The following CNTN1 variants were observed in gnomAD, a reference collection of about 807,000 sequenced individuals.
CNTN1 encodes contactin 1, also known as contactin-1.
In CNTN1, 38 loss-of-function variants were observed where a neutral mutation model predicts 126.4. That is an observed-to-expected ratio of 0.30 (90% CI 0.23 to 0.39). The LOEUF is 0.39. Ranked by LOEUF, CNTN1 falls within the 10% of genes least tolerant of loss-of-function variation. The pLI is 1.00. For synonymous variants in CNTN1, 413 were observed against 422.6 expected (o/e 0.98, Z 0.28); for missense variants, 1,009 against 1,248.4 (o/e 0.81, Z 2.89).
At chr12:40,707,271 CG>C (rs1941791282) in intron 1 of CNTN1, among the ~76,000 whole-genome samples, 1 of 109,100 alleles carries the variant, frequency 9.2e-6, no homozygotes, top group Non-Finnish European at 1.8e-5. Context: ...TTTTTTGAGA[CG>C]GAGTCTCGCT....
chr12:40,876,035 A>AT lies in CNTN1; in HGVS notation c.-76-32318dup, dbSNP rs1236795155. On this transcript the variant is annotated intron_variant, in intron 1 of 23. Coordinates refer to ENST00000551295, the MANE Select transcript of CNTN1 (RefSeq NM_001843.4). Reference sequence around the variant, plus strand: ...ACATTATTTTTTATCTCCAATAATGATTTTACCACCAATATTTTTAATTTT... The same window carrying AT: ...ACATTATTTTTTATCTCCAATAATGATTTTTACCACCAATATTTTTAATTTT... Among the ~76,000 whole-genome samples the AT allele has an allele frequency of 1.3e-5, 2 of 151,808 alleles. 1 individual carries two copies. The highest frequency in any genetic ancestry group is 2.9e-5 in the Non-Finnish European group (2 of 67,904).
chr12:40,832,957 C>T lies in CNTN1; in HGVS notation c.-76-75400C>T, dbSNP rs1250866569. 2.0e-5 allele frequency among the ~76,000 whole-genome samples: 3 copies of T among 152,176 alleles called. No individual in the cohort carries two copies. The South Asian group carries it at 6.2e-4, about 31-fold the overall frequency. ...TCGTTCTGGTGAAAACCACACAGTT[C>T]CCCCTCTCTCCCTCTGCCTCCTGAC... On this transcript the variant is annotated intron_variant, in intron 1 of 23. Coordinates refer to ENST00000551295, the MANE Select transcript of CNTN1 (RefSeq NM_001843.4).
intron 17 of CNTN1, among the ~76,000 whole-genome samples, chr12:41,012,070 C>T (rs778844779): frequency 2.0e-5 from 3 of 152,176 alleles, no homozygotes; most frequent in Middle Eastern, 3.4e-3. Context: ...AATTGGGAAG[C>T]TAGAGTGCTT....
chr12:40,959,227 A>G lies in CNTN1; in HGVS notation c.1797A>G (p.Val599=). 6.2e-7 allele frequency: 1 copy of G among 1,612,514 alleles called. No individual in the cohort carries two copies. Among genetic ancestry groups the G allele is most frequent in the Non-Finnish European group, 8.5e-7 (1 of 1,178,948 alleles). ...VDNSSASADL[V]VRGPPGPPGG... ...ATTCTTCAGCTTCAGCTGACCTTGT[A>G]GTGAGAGGTAAGAGTTTCAACATTT... is the stretch of plus-strand genomic sequence containing the variant. The change falls in exon 15 of 24, where the codon GTA becomes GTG. Residue 599 remains valine, a synonymous_variant. Coordinates refer to ENST00000551295, the MANE Select transcript of CNTN1 (RefSeq NM_001843.4).
intron 1 of CNTN1, among the ~76,000 whole-genome samples, chr12:40,715,731 T>G (rs1942032307): frequency 6.6e-6 from 1 of 152,102 alleles, no homozygotes; most frequent in Non-Finnish European, 1.5e-5. Flanking sequence ...GTTGATGTAA[T>G]TTGCCATCAC....
intron 16 of CNTN1, among the ~76,000 whole-genome samples, chr12:40,987,922 G>A (rs1156283965): frequency 1.3e-5 from 2 of 148,390 alleles, no homozygotes; most frequent in Admixed American, 1.3e-4. Context: ...TAGGTTTATT[G>A]TAGGACAGTA....
intron 1 of CNTN1, among the ~76,000 whole-genome samples, chr12:40,822,148 C>CTTTTTTTTTT (rs777953120): frequency 1.9e-4 from 9 of 47,262 alleles, no homozygotes; most frequent in African/African-American, 3.3e-4. Context: ...AAATATAAAT[C>CTTTTTTTTTT]TTTTTTTTTT....
chr12:40,822,431 A>AC (rs1268585635), intron 1 of CNTN1, among the ~76,000 whole-genome samples: 6 of 151,990 alleles, frequency 3.9e-5, no homozygotes, highest in Non-Finnish European at 7.4e-5. Context: ...CTGGGAAAAA[A>AC]TATTATTATA....
intron 1 of CNTN1, among the ~76,000 whole-genome samples, chr12:40,869,226 TG>T (rs1423137955): frequency 1.3e-5 from 2 of 150,644 alleles, no homozygotes; most frequent in Non-Finnish European, 3.0e-5. Context: ...CATTAAATAT[TG>T]AAAAAAAATA....
chr12:40,867,015 A>C (rs5006894), intron 1 of CNTN1, among the ~76,000 whole-genome samples: 25,950 of 152,086 alleles, frequency 0.17, 3,531 homozygotes, highest in African/African-American at 0.38. Context: ...CATGTGGTCC[A>C]CACCTAACTG....
At chr12:40,707,073 CACACACACACACA>C (rs1941773453) in intron 1 of CNTN1, among the ~76,000 whole-genome samples, 2 of 150,784 alleles carry the variant, frequency 1.3e-5, no homozygotes, top group African/African-American at 5.0e-5. Context: ...CACACACACA[CACACACACACACA>C]CACCCCTGCT....
chr12:40,703,678 T>C (rs1265772387), intron 1 of CNTN1, among the ~76,000 whole-genome samples: 1 of 152,170 alleles, frequency 6.6e-6, no homozygotes, highest in Non-Finnish European at 1.5e-5. Context: ...TTTCTAGACA[T>C]GTAAAGGGGC....
At chr12:40,768,318 G>A (rs1345076819) in intron 1 of CNTN1, among the ~76,000 whole-genome samples, 3 of 152,156 alleles carry the variant, frequency 2.0e-5, no homozygotes, top group African/African-American at 7.2e-5. Context: ...TTCCTCCACC[G>A]CGAGCCCGCA....
At chr12:40,722,036 G>A (rs912635297) in intron 1 of CNTN1, among the ~76,000 whole-genome samples, 4 of 152,026 alleles carry the variant, frequency 2.6e-5, no homozygotes, top group Admixed American at 1.3e-4. Flanking sequence ...CTTTATAGCA[G>A]CATGATTTAT....
At chr12:40,784,888 G>A (rs866091075) in intron 1 of CNTN1, among the ~76,000 whole-genome samples, 3 of 152,136 alleles carry the variant, frequency 2.0e-5, no homozygotes, top group Non-Finnish European at 2.9e-5. Context: ...ATTCACCTGC[G>A]TGGTCCAACA....
chr12:40,982,284 A>T (rs1947840428), intron 16 of CNTN1, among the ~76,000 whole-genome samples: 1 of 152,174 alleles, frequency 6.6e-6, no homozygotes, highest in Non-Finnish European at 1.5e-5. Context: ...TCATCTGAAA[A>T]ATAATTTTAA....
intron 1 of CNTN1, among the ~76,000 whole-genome samples, chr12:40,732,382 A>G (rs897867998): frequency 6.6e-6 from 1 of 152,090 alleles, no homozygotes; most frequent in Admixed American, 6.6e-5. Flanking sequence ...GAACTGCAGC[A>G]TAATATTTTA....
At chr12:41,059,032 TGATA>T (rs138596513) in intron 23 of CNTN1, among the ~76,000 whole-genome samples, 17,988 of 152,086 alleles carry the variant, frequency 0.12, 1,242 homozygotes, top group Non-Finnish European at 0.16. Flanking sequence ...TAATCCTTTT[TGATA>T]GATGGATGAC....
intron 1 of CNTN1, among the ~76,000 whole-genome samples, chr12:40,786,730 G>A (rs1333126911): frequency 6.6e-6 from 1 of 152,136 alleles, no homozygotes; most frequent in Non-Finnish European, 1.5e-5. Context: ...ACAAGGGAAA[G>A]CATCAGTGAA....
Sources: gnomAD v4.1 joint callset for allele counts (sites outside exome capture counted in the v4.1 genomes callset) on GRCh38, gnomAD v4.1.1 for gene constraint, MANE v1.5 for transcripts, NCBI Gene and HGNC (gene_info 2026-07-23, HGNC 2026-07-21) for gene names.